The following KSR1 variants were observed in gnomAD, a reference collection of about 807,000 sequenced individuals.
KSR1 encodes kinase suppressor of ras 1, also known as kinase suppressor of ras.
KSR1 carries 35 observed loss-of-function variants against 92.9 expected under a neutral mutation model. That is an observed-to-expected ratio of 0.38 (90% CI 0.29 to 0.50). The LOEUF (loss-of-function observed/expected upper bound fraction) is 0.50, where lower values mean the gene tolerates loss of function less well. Ranked by LOEUF, KSR1 falls within the 20% of genes least tolerant of loss-of-function variation. KSR1 has a pLI of 0.94. For missense variants in KSR1, 972 were observed against 1,158.5 expected, an observed-to-expected ratio of 0.84 and a Z score of 2.34; for synonymous variants, 467 against 472.6, an observed-to-expected ratio of 0.99 and a Z score of 0.15.
chr17:27,577,515 G>C lies in KSR1; in HGVS notation c.396G>C (p.Leu132=). 1 of 1,593,636 alleles carries C rather than the reference G, an allele frequency of 6.3e-7. No individual in the cohort carries two copies. Among genetic ancestry groups the C allele is most frequent in the Non-Finnish European group, 8.5e-7 (1 of 1,172,666 alleles). ...AGGAGATCCCCCGAGACCTCACGCT[G>C]GATGCCCTGCTGGAGATGAATGAGG... ...VVQEIPRDLT[L]DALLEMNEAK... The change falls in exon 3 of 21, where the codon CTG becomes CTC. Residue 132 remains leucine (L), a synonymous_variant. Transcript: ENST00000644974. This position sits in a 1 kb window ranked among gnomAD's most constrained non-coding sequence, Gnocchi z 4.5.
rs768998516 is a variant in KSR1, at chr17:27,456,741, C to G, written c.98C>G (p.Ala33Gly). The change falls in exon 1 of 21, where the codon GCG becomes GGG. Residue 33 changes from alanine (A) to glycine (G), a missense_variant. By Grantham distance (60) the Ala-to-Gly change is moderately conservative (BLOSUM62 0). Transcript: ENST00000644974. ...AAAAEGGAGA[A>G]ASRALQQCGQ... ...GCCGCGGAGGGAGGCGCAGGGGCCG[C>G]GGCCAGCCGGGCGCTGCAGCAGTGC... 2.0e-6 allele frequency: 3 copies of G among 1,468,244 alleles called. No homozygotes were observed. Among genetic ancestry groups the G allele is most frequent in the Non-Finnish European group, 2.8e-6 (3 of 1,066,078 alleles). The allele number at this position is 1,468,244 out of a possible 1,614,324, so 91.0% of individuals were successfully genotyped here. A position where few individuals can be genotyped will look rare whatever the true frequency, so the allele number is the denominator to read the frequency against.
intron 1 of KSR1, among the ~76,000 whole-genome samples, chr17:27,512,317 C>G (rs1340859050): frequency 6.6e-6 from 1 of 152,174 alleles, no homozygotes; most frequent in African/African-American, 2.4e-5. Context: ...AATTGCTGTA[C>G]CCTTGCCAGT....
intron 1 of KSR1, among the ~76,000 whole-genome samples, chr17:27,549,465 T>C (rs760713428): frequency 1.9e-4 from 29 of 152,328 alleles, no homozygotes; most frequent in African/African-American, 7.0e-4. Context: ...CTTCTCTGTA[T>C]CCCGTGTTCC....
chr17:27,617,158 T>C, intron 18 of KSR1, 137 bp from the exon 19 acceptor site: 1 of 881,936 alleles, frequency 1.1e-6, no homozygotes, highest in Non-Finnish European at 1.6e-6. Flanking sequence ...CACCCCTTCA[T>C]GTCGGCAGGG....
chr17:27,554,656 G>C (rs1405206874), intron 2 of KSR1, among the ~76,000 whole-genome samples: 2 of 152,168 alleles, frequency 1.3e-5, no homozygotes, highest in African/African-American at 4.8e-5. Flanking sequence ...CTACATTATG[G>C]TGAGTTGTAT....
intron 1 of KSR1, among the ~76,000 whole-genome samples, chr17:27,468,119 A>AT (rs990830231): frequency 4.4e-4 from 64 of 143,912 alleles, no homozygotes; most frequent in Middle Eastern, 3.8e-3. Context: ...GCCCGGCCAT[A>AT]TTTTTTTTTT....
At chr17:27,489,170 G>A (rs887220159) in intron 1 of KSR1, among the ~76,000 whole-genome samples, 6 of 152,224 alleles carry the variant, frequency 3.9e-5, no homozygotes, top group Admixed American at 3.9e-4. Flanking sequence ...GCCCCTGGGG[G>A]CCGGGCCCGT....
intron 2 of KSR1, among the ~76,000 whole-genome samples, chr17:27,551,827 CT>C (rs1343713808): frequency 1.3e-5 from 2 of 152,230 alleles, no homozygotes; most frequent in Non-Finnish European, 2.9e-5. Context: ...CCTGCAGAAT[CT>C]CTGCAGTGGC....
Position 27,607,926 on chromosome 17 carries a change from G to T in KSR1, c.2007G>T (p.Gly669=), listed in dbSNP as rs1319789256. ...HLAIITSFCK[G]RTLHSFVRDP... The stretch of plus-strand genomic sequence containing the variant: ...CCACCCTCGACAGCTTCTGCAAGGG[G>T]CGGACGTTGCACTCGTTTGTGAGGG... The change falls in exon 15 of 21, where the codon GGG becomes GGT. Residue 669 remains glycine (G), a synonymous_variant. Transcript: ENST00000644974. The T allele has an allele frequency of 6.2e-7, 1 of 1,607,754 alleles. No individual in the cohort carries two copies. Among genetic ancestry groups the T allele is most frequent in the Admixed American group, 1.7e-5 (1 of 59,310 alleles).
intron 1 of KSR1, among the ~76,000 whole-genome samples, chr17:27,531,690 G>A (rs188218259): frequency 1.2e-4 from 18 of 152,296 alleles, no homozygotes; most frequent in African/African-American, 3.9e-4. Context: ...AGCCAGCAGC[G>A]CCCTGAGGAG....
chr17:27,535,665 A>G (rs909943466), intron 1 of KSR1, among the ~76,000 whole-genome samples: 3 of 152,218 alleles, frequency 2.0e-5, no homozygotes, highest in African/African-American at 7.2e-5. Flanking sequence ...CAGCTGCCAA[A>G]GGCACAGCTT....
At chr17:27,565,243 TTTTC>T (rs895563634) in intron 2 of KSR1, among the ~76,000 whole-genome samples, 1 of 152,182 alleles carries the variant, frequency 6.6e-6, no homozygotes, top group Non-Finnish European at 1.5e-5. Context: ...AGGCTTCTCT[TTTTC>T]TTTTTCTTTG....
chr17:27,550,367 A>G (rs2071351591), intron 1 of KSR1, among the ~76,000 whole-genome samples: 1 of 152,128 alleles, frequency 6.6e-6, no homozygotes, highest in Non-Finnish European at 1.5e-5. Flanking sequence ...CAGGGGGCTC[A>G]TGGGTGGCCA....
chr17:27,597,632 C>G (rs1271030670), intron 10 of KSR1, among the ~76,000 whole-genome samples, 196 bp downstream of exon 10: 1 of 152,152 alleles, frequency 6.6e-6, no homozygotes, highest in African/African-American at 2.4e-5. Context: ...TACTGAGGTT[C>G]AGAGAGAGGG....
chr17:27,528,642 T>A (rs1461413683), intron 1 of KSR1, among the ~76,000 whole-genome samples: 1 of 152,156 alleles, frequency 6.6e-6, no homozygotes, highest in African/African-American at 2.4e-5. Context: ...CTCACGTCTG[T>A]AATCCCAGTG....
intron 3 of KSR1, chr17:27,578,467 C>G (rs1396697926): frequency 6.6e-6 from 1 of 152,240 alleles, no homozygotes; most frequent in Non-Finnish European, 1.5e-5. Context: ...CTTGACCTGC[C>G]AGGTCTCCCG....
At chr17:27,531,820 G>A (rs2070549878) in intron 1 of KSR1, among the ~76,000 whole-genome samples, 1 of 152,190 alleles carries the variant, frequency 6.6e-6, no homozygotes, top group Non-Finnish European at 1.5e-5. Context: ...TCCACTTGGG[G>A]ATAGTAATAA....
intron 1 of KSR1, among the ~76,000 whole-genome samples, chr17:27,518,575 G>T (rs960688063): frequency 2.0e-5 from 3 of 152,182 alleles, no homozygotes; most frequent in Non-Finnish European, 2.9e-5. Flanking sequence ...GTGTCGGGGA[G>T]CTCAGAGCCT....
intron 7 of KSR1, 145 bp downstream of exon 7, chr17:27,591,039 C>T: frequency 1.5e-6 from 1 of 683,760 alleles, no homozygotes; most frequent in Non-Finnish European, 2.5e-6. Flanking sequence ...GCAAGTTACT[C>T]CTGGAAGAAG....
Sources: gnomAD v4.1 joint callset for allele counts (sites outside exome capture counted in the v4.1 genomes callset) on GRCh38, gnomAD v4.1.1 for gene constraint, Gnocchi (gnomAD v3.1) non-coding constraint, MANE v1.5 for transcripts, NCBI Gene and HGNC (gene_info 2026-07-23, HGNC 2026-07-21) for gene names.